Variants in PCDH9 observed in about 807,000 individuals in gnomAD.
PCDH9 encodes protocadherin 9.
A neutral mutation model predicts 70.6 loss-of-function variants in PCDH9; 24 were observed. The observed-to-expected ratio is 0.34, with a 90% CI of 0.25 to 0.48. The LOEUF is 0.48. PCDH9 is among the 20% of genes least tolerant of loss of function. PCDH9 has a pLI of 0.99. For missense variants in PCDH9, 1,281 were observed against 1,503.6 expected (o/e 0.85, Z 2.45); for synonymous variants, 562 against 558.5 (o/e 1.01, Z -0.09).
chr13:67,130,272 A>T (rs1006999758), intron 2 of PCDH9, among the ~76,000 whole-genome samples: 1 of 152,194 alleles, frequency 6.6e-6, no homozygotes, highest in Non-Finnish European at 1.5e-5. Flanking sequence ...GCTACTAGAA[A>T]CAAAACACAT....
intron 4 of PCDH9, among the ~76,000 whole-genome samples, chr13:66,364,567 T>C (rs1243616290): frequency 1.3e-5 from 2 of 152,154 alleles, no homozygotes; most frequent in African/African-American, 4.8e-5. Context: ...GGAATATATG[T>C]GGAAATGATT....
chr13:67,184,575 A>G (rs2088700750), intron 2 of PCDH9, among the ~76,000 whole-genome samples: 1 of 152,160 alleles, frequency 6.6e-6, no homozygotes, highest in African/African-American at 2.4e-5. Flanking sequence ...TAAAAAAATA[A>G]CAAAAATTAG....
intron 2 of PCDH9, among the ~76,000 whole-genome samples, chr13:67,078,238 G>A (rs2085916941): frequency 6.6e-6 from 1 of 152,096 alleles, no homozygotes; most frequent in Admixed American, 6.6e-5. Flanking sequence ...AATTCGTGCT[G>A]GTACCGTGGC....
chr13:66,665,391 C>A (rs1182916435), intron 3 of PCDH9, among the ~76,000 whole-genome samples: 2 of 152,132 alleles, frequency 1.3e-5, no homozygotes, highest in Non-Finnish European at 1.5e-5. Flanking sequence ...AGCCACCGCG[C>A]CTGACCAGAA....
intron 4 of PCDH9, among the ~76,000 whole-genome samples, chr13:66,454,851 C>T (rs1372666213): frequency 2.0e-5 from 3 of 152,062 alleles, no homozygotes; most frequent in Non-Finnish European, 1.5e-5. Flanking sequence ...GTTACCTGCC[C>T]ACCTTGGCCT....
At chr13:66,568,306 G>A (rs1270657598) in intron 4 of PCDH9, among the ~76,000 whole-genome samples, 1 of 152,064 alleles carries the variant, frequency 6.6e-6, no homozygotes, top group Non-Finnish European at 1.5e-5. Context: ...TCCAAACTGT[G>A]AGAAAACAAA....
At chr13:66,763,627 A>T (rs566495746) in intron 3 of PCDH9, among the ~76,000 whole-genome samples, 40 of 152,192 alleles carry the variant, frequency 2.6e-4, no homozygotes, top group African/African-American at 9.4e-4. Flanking sequence ...AAAAAGTGCA[A>T]CATTTGGTAG....
At chr13:66,444,853 G>A (rs927573951) in intron 4 of PCDH9, among the ~76,000 whole-genome samples, 1 of 151,968 alleles carries the variant, frequency 6.6e-6, no homozygotes, top group East Asian at 1.9e-4. Context: ...GAGCCACCAC[G>A]CCCAGCCTTA....
chr13:66,650,806 TA>T (rs1307589895), intron 3 of PCDH9, among the ~76,000 whole-genome samples: 3 of 151,508 alleles, frequency 2.0e-5, no homozygotes, highest in African/African-American at 4.9e-5. Context: ...CTCAAAAATA[TA>T]AAAAAACATT....
chr13:66,853,745 T>C (rs2081351694), intron 3 of PCDH9, among the ~76,000 whole-genome samples: 1 of 141,038 alleles, frequency 7.1e-6, no homozygotes, highest in Non-Finnish European at 1.6e-5. Flanking sequence ...AATCATTTCC[T>C]TTTTTTTTTT....
chr13:67,092,872 C>T (rs772438033), intron 2 of PCDH9, among the ~76,000 whole-genome samples: 5 of 152,034 alleles, frequency 3.3e-5, no homozygotes, highest in Non-Finnish European at 7.4e-5. Flanking sequence ...TAAGCATTTC[C>T]GAGGCCCAGC....
chr13:66,478,902 A>G (rs550420670), intron 4 of PCDH9, among the ~76,000 whole-genome samples: 103 of 152,356 alleles, frequency 6.8e-4, no homozygotes, highest in African/African-American at 2.4e-3. Context: ...TTCAACGTAG[A>G]TAAAACAGCC....
intron 4 of PCDH9, among the ~76,000 whole-genome samples, chr13:66,622,509 C>G (rs959408299): frequency 2.0e-5 from 3 of 152,114 alleles, no homozygotes; most frequent in African/African-American, 7.2e-5. Flanking sequence ...TGTAAACACA[C>G]CAATCAACAC....
intron 4 of PCDH9, among the ~76,000 whole-genome samples, chr13:66,454,241 T>C (rs940899687): frequency 1.3e-5 from 2 of 152,134 alleles, no homozygotes; most frequent in Non-Finnish European, 2.9e-5. Context: ...TACAGCTACA[T>C]AACATTTATA....
intron 4 of PCDH9, among the ~76,000 whole-genome samples, chr13:66,563,617 G>A (rs2076609140): frequency 6.6e-6 from 1 of 152,054 alleles, no homozygotes; most frequent in African/African-American, 2.4e-5. Context: ...ACCATGCTGG[G>A]TGTCACATAT....
At chr13:67,047,844 C>A (rs989069538) in intron 2 of PCDH9, among the ~76,000 whole-genome samples, 1 of 152,090 alleles carries the variant, frequency 6.6e-6, no homozygotes, top group African/African-American at 2.4e-5. Flanking sequence ...GATTTAAGGA[C>A]CCACATGAAT....
At chr13:67,101,689 G>A (rs2086438118) in intron 2 of PCDH9, among the ~76,000 whole-genome samples, 1 of 152,150 alleles carries the variant, frequency 6.6e-6, no homozygotes, top group African/African-American at 2.4e-5. Context: ...ATCACTCAAT[G>A]AGTATTTTAA....
At chr13:66,719,304 C>G (rs191714752) in intron 3 of PCDH9, among the ~76,000 whole-genome samples, 1 of 152,088 alleles carries the variant, frequency 6.6e-6, no homozygotes, top group East Asian at 1.9e-4. Flanking sequence ...TTGAAGGTAT[C>G]CCTCCAAAAT....
rs560186962 is a variant in PCDH9, at chr13:66,737,482, G to T, written c.3139-106071C>A. Among the ~76,000 whole-genome samples, 10 of 152,270 alleles carry T rather than the reference G, an allele frequency of 6.6e-5. No individual in the cohort carries two copies. In the South Asian group the frequency reaches 2.1e-3, roughly 32 times the overall value. On this transcript the variant is annotated intron_variant, in intron 3 of 4. Coordinates refer to ENST00000377865, the MANE Select transcript of PCDH9 (RefSeq NM_203487.3). ...TTAATGTAAATTAAAATTTGGAAGA[G>T]GGGGGAGGAGCCAAGATGGCCGAAT... is the stretch of plus-strand genomic sequence containing the variant.
Sources: gnomAD v4.1 joint callset for allele counts (sites outside exome capture counted in the v4.1 genomes callset) on GRCh38, gnomAD v4.1.1 for gene constraint, MANE v1.5 for transcripts, NCBI Gene and HGNC (gene_info 2026-07-23, HGNC 2026-07-21) for gene names.